Variants in SLC4A1AP observed in about 807,000 individuals in gnomAD.
SLC4A1AP encodes the protein kanadaptin.
In SLC4A1AP, 64 loss-of-function variants were observed where a neutral mutation model predicts 89.7. That is an observed-to-expected ratio of 0.71 (90% CI 0.58 to 0.88). SLC4A1AP has a LOEUF of 0.88. Ranked by LOEUF, SLC4A1AP falls within the 40% of genes least tolerant of loss-of-function variation. The probability of loss-of-function intolerance (pLI) is 0.00; values close to 1 mark genes in which losing one functional copy is unlikely to be tolerated. For missense variants in SLC4A1AP, 931 were observed against 965.0 expected (o/e 0.96, Z 0.47); for synonymous variants, 366 against 353.3 (o/e 1.04, Z -0.40).
chr2:27,677,714 A>G (rs1378299793), intron 7 of SLC4A1AP, 24 bp from the exon 8 acceptor site: 6 of 1,541,226 alleles, frequency 3.9e-6, no homozygotes, highest in South Asian at 1.2e-5. Context: ...CTTTCTAAAC[A>G]TGTGTTATTC....
intron 12 of SLC4A1AP, chr2:27,693,246 T>C (rs1675817973): frequency 6.5e-6 from 1 of 152,900 alleles, no homozygotes. Context: ...ATTTTTTTTT[T>C]TTTTTTGAGT....
chr2:27,664,249 C>G, exon 1 of SLC4A1AP: 7 of 1,614,204 alleles, frequency 4.3e-6, no homozygotes, highest in Non-Finnish European at 5.9e-6. Flanking sequence ...GCCACAGCCC[C>G]CTACAGCTTA....
In SLC4A1AP at chr2:27,694,884, T is replaced by G. The variant is rs1675847686; in HGVS notation, c.*201T>G. The G allele has an allele frequency of 1.7e-5, 7 of 413,674 alleles. No individual in the cohort carries two copies. In the East Asian group the frequency reaches 2.5e-4, roughly 15 times the overall value. 25.6% of individuals were successfully genotyped at this position (413,674 alleles called of 1,614,324 possible). A position where few individuals can be genotyped will look rare whatever the true frequency, so the allele number is the denominator to read the frequency against. On this transcript the variant is annotated 3_prime_UTR_variant, in exon 14 of 14. Transcript: ENST00000613058. ...ATTTGATATTTATGTTTAAAAGTGT[T>G]TATATATGTATGTAAAAAGGGAACC...
chr2:27,664,313 T>TTAC (rs759023959), exon 1 of SLC4A1AP: 1 of 1,614,140 alleles, frequency 6.2e-7, no homozygotes, highest in South Asian at 1.1e-5. Flanking sequence ...AAGGGACGAG[T>TTAC]TACTGCCTTT....
chr2:27,677,411 T>C (rs1675542073), intron 7 of SLC4A1AP, 47 bp downstream of exon 7: 1 of 1,280,012 alleles, frequency 7.8e-7, no homozygotes, highest in African/African-American at 1.5e-5. Flanking sequence ...TATAGTGCTC[T>C]ATGCTAGGCA....
At chr2:27,678,166 C>T (rs750893498) in intron 8 of SLC4A1AP, among the ~76,000 whole-genome samples, 29 of 152,100 alleles carry the variant, frequency 1.9e-4, no homozygotes, top group African/African-American at 5.8e-4. Flanking sequence ...TGGAAGGTTC[C>T]GAAGTTTTTT....
Position 27,669,400 on chromosome 2 carries a change from G to C in SLC4A1AP, c.1345+13G>C. ...CGGCAGGAAGCAGGTCAGTATATAG[G>C]AGCCCTTTTTTTCTAGATTTAAAAA... On this transcript the variant is annotated intron_variant, in intron 5 of 13. Transcript: ENST00000613058. The C allele has an allele frequency of 6.7e-7, 1 of 1,487,132 alleles. No individual in the cohort carries two copies. Among genetic ancestry groups the C allele is most frequent in the Non-Finnish European group, 8.9e-7 (1 of 1,118,498 alleles). 92.1% of individuals were successfully genotyped at this position (1,487,132 alleles called of 1,614,324 possible). A position where few individuals can be genotyped will look rare whatever the true frequency, so the allele number is the denominator to read the frequency against.
intron 6 of SLC4A1AP, among the ~76,000 whole-genome samples, 153 bp from the exon 7 acceptor site, chr2:27,677,142 C>T (rs938775741): frequency 9.0e-5 from 13 of 144,650 alleles, no homozygotes; most frequent in African/African-American, 3.3e-4. Context: ...TATCTCAAAA[C>T]AAAAAAAAAA....
intron 5 of SLC4A1AP, among the ~76,000 whole-genome samples, chr2:27,670,673 G>A (rs939165455): frequency 1.3e-5 from 2 of 151,396 alleles, no homozygotes; most frequent in Non-Finnish European, 2.9e-5. Context: ...TGGCTAACAC[G>A]GTGAAACCCC....
At chr2:27,668,557 CTCCGG>C (rs1675371055) in intron 3 of SLC4A1AP, 4 of 573,140 alleles carry the variant, frequency 7.0e-6, no homozygotes, top group Non-Finnish European at 1.3e-5. Context: ...TTAAGCTATG[CTCCGG>C]CCTTAGCCCC....
At chr2:27,666,372 A>G (rs6752955) in intron 2 of SLC4A1AP, among the ~76,000 whole-genome samples, 3 of 3,390 alleles carry the variant, frequency 8.8e-4, no homozygotes, top group Admixed American at 0.013. Context: ...CCCCCCCCCC[A>G]CCCCGCCCCC....
intron 2 of SLC4A1AP, among the ~76,000 whole-genome samples, chr2:27,666,070 C>A (rs1418263114): frequency 6.6e-6 from 1 of 152,148 alleles, no homozygotes. Context: ...GCAAAATACA[C>A]ACTGAATTTC....
At chr2:27,664,007 G>A (rs763569710) in exon 1 of SLC4A1AP, 26 of 1,614,096 alleles carry the variant, frequency 1.6e-5, no homozygotes, top group Non-Finnish European at 2.0e-5. Context: ...CCCCAGCGGC[G>A]CGGAGTAAGG....
chr2:27,690,907 A>G (rs985895698), intron 12 of SLC4A1AP, among the ~76,000 whole-genome samples: 5 of 151,764 alleles, frequency 3.3e-5, no homozygotes, highest in Non-Finnish European at 5.9e-5. Flanking sequence ...AGGGTGTATT[A>G]TTTTTCTGAT....
chr2:27,663,921 G>A, exon 1 of SLC4A1AP: 1 of 1,614,146 alleles, frequency 6.2e-7, no homozygotes. Flanking sequence ...GAGGATGGCT[G>A]ACATTCTCTC....
chr2:27,686,836 CT>C (rs1675711281), intron 10 of SLC4A1AP, among the ~76,000 whole-genome samples: 1 of 152,114 alleles, frequency 6.6e-6, no homozygotes, highest in South Asian at 2.1e-4. Context: ...TACCCCAGGC[CT>C]TTTTTCCTGT....
chr2:27,681,732 G>C (rs1040275043), intron 8 of SLC4A1AP, among the ~76,000 whole-genome samples: 9 of 152,088 alleles, frequency 5.9e-5, no homozygotes, highest in Non-Finnish European at 1.3e-4. Context: ...TGAGAATGTT[G>C]ACAGGCTCAG....
chr2:27,664,245 G>A, exon 1 of SLC4A1AP: 1 of 1,614,192 alleles, frequency 6.2e-7, no homozygotes, highest in Non-Finnish European at 8.5e-7. Context: ...CCCTGCCACA[G>A]CCCCCTACAG....
exon 10 of SLC4A1AP, chr2:27,685,094 C>G (rs758496029): frequency 1.3e-5 from 21 of 1,613,152 alleles, no homozygotes; most frequent in Non-Finnish European, 1.8e-5. Context: ...GAAAGATGAG[C>G]CTGAAGTAGA....
Sources: allele counts gnomAD v4.1 joint callset (sites outside exome capture counted in the v4.1 genomes callset), GRCh38; gene constraint gnomAD v4.1.1; transcripts MANE v1.5; gene names NCBI Gene and HGNC (gene_info 2026-07-23, HGNC 2026-07-21).